FRMD3: variants seen among roughly 807,000 people sequenced by gnomAD.
FRMD3 encodes FERM domain-containing protein 3.
A neutral mutation model predicts 70.2 loss-of-function variants in FRMD3; 33 were observed. The ratio of observed to expected loss-of-function variants is 0.47; its 90% CI spans 0.36 to 0.63. The LOEUF is 0.63. Among genes scored for constraint, FRMD3 ranks in the 20% least tolerant of loss-of-function variants. FRMD3 has a pLI of 0.00. For missense variants in FRMD3, 632 were observed against 711.4 expected, an observed-to-expected ratio of 0.89 and a Z score of 1.27; for synonymous variants, 279 against 255.9, an observed-to-expected ratio of 1.09 and a Z score of -0.86.
chr9:83,531,871 G>A (rs1317394565), intron 1 of FRMD3, among the ~76,000 whole-genome samples: 1 of 152,178 alleles, frequency 6.6e-6, no homozygotes, highest in African/African-American at 2.4e-5. Context: ...TGGCAGTTGA[G>A]GAATTATTAC....
At chr9:83,346,336 T>A (rs1036459247) in intron 4 of FRMD3, among the ~76,000 whole-genome samples, 9 of 151,490 alleles carry the variant, frequency 5.9e-5, no homozygotes, top group Non-Finnish European at 7.4e-5. Context: ...ATGTGGCATT[T>A]CCATACACTG....
chr9:83,290,055 G>C (rs922242800), intron 13 of FRMD3, among the ~76,000 whole-genome samples: 2 of 152,156 alleles, frequency 1.3e-5, no homozygotes, highest in South Asian at 2.1e-4. Flanking sequence ...CAAGAAGCCT[G>C]GGGGAATAAA....
At chr9:83,410,454 C>A (rs748061164) in intron 1 of FRMD3, among the ~76,000 whole-genome samples, 115 of 152,292 alleles carry the variant, frequency 7.6e-4, no homozygotes, top group Admixed American at 1.9e-3. Context: ...TCCAGTTGCA[C>A]CCATGTTGCC....
chr9:83,373,642 C>CTTTTGTGCTGT (rs11271909), intron 2 of FRMD3, among the ~76,000 whole-genome samples: 2 of 151,538 alleles, frequency 1.3e-5, no homozygotes, highest in African/African-American at 4.8e-5. Flanking sequence ...ACAGCACATA[C>CTTTTGTGCTGT]AAAGATCACT....
chr9:83,337,254 C>T (rs202005873), intron 5 of FRMD3, among the ~76,000 whole-genome samples: 1 of 152,152 alleles, frequency 6.6e-6, no homozygotes, highest in Non-Finnish European at 1.5e-5. Flanking sequence ...CCAGAGTCTA[C>T]GTTTCCCCAC....
In FRMD3 at chr9:83,271,747, G is replaced by C. The variant is rs180822796; in HGVS notation, c.1195+18856C>G. On this transcript the variant is annotated intron_variant, in intron 13 of 13. Coordinates refer to ENST00000304195, the MANE Select transcript of FRMD3 (RefSeq NM_174938.6). ...TGAATGTTTCCTGCCTGTAAGCTGA[G>C]ATAACTGCTCTCTGGGGCCCAGCAT... Among the ~76,000 whole-genome samples, 127 of 152,314 alleles carry C rather than the reference G, an allele frequency of 8.3e-4. 1 individual carries two copies. Among genetic ancestry groups the C allele is most frequent in the South Asian group, 3.7e-3 (18 of 4,822 alleles).
At chr9:83,315,987 G>A (rs1835550317) in intron 6 of FRMD3, among the ~76,000 whole-genome samples, 1 of 152,056 alleles carries the variant, frequency 6.6e-6, no homozygotes, top group African/African-American at 2.4e-5. Flanking sequence ...TCTGTGTCTG[G>A]CCTGGATCCC....
intron 9 of FRMD3, among the ~76,000 whole-genome samples, chr9:83,310,132 G>T (rs1835294944): frequency 6.6e-6 from 1 of 152,144 alleles, no homozygotes; most frequent in African/African-American, 2.4e-5. Context: ...ACACTCTAAT[G>T]AGCACTGGTT....
intron 13 of FRMD3, among the ~76,000 whole-genome samples, chr9:83,279,847 A>G (rs951856074): frequency 1.3e-5 from 2 of 152,264 alleles, no homozygotes; most frequent in African/African-American, 2.4e-5. Flanking sequence ...TAATGTATGT[A>G]GGGCTTAATA....
At chr9:83,518,899 C>A (rs1179547444) in intron 1 of FRMD3, among the ~76,000 whole-genome samples, 2 of 152,180 alleles carry the variant, frequency 1.3e-5, no homozygotes, top group Non-Finnish European at 2.9e-5. Context: ...GGAAAGGATT[C>A]CCTATTTAAT....
chr9:83,422,171 G>A (rs529805284), intron 1 of FRMD3, among the ~76,000 whole-genome samples: 1 of 152,280 alleles, frequency 6.6e-6, no homozygotes, highest in African/African-American at 2.4e-5. Flanking sequence ...GCTGCAGTGA[G>A]CCAAGATTGT....
At chr9:83,356,055 G>GGAGA (rs1824325169) in intron 3 of FRMD3, among the ~76,000 whole-genome samples, 1 of 152,074 alleles carries the variant, frequency 6.6e-6, no homozygotes, top group African/African-American at 2.4e-5. Flanking sequence ...CTGAGAACAT[G>GGAGA]GAGAGAGGTA....
At chr9:83,453,134 G>A (rs1827717188) in intron 1 of FRMD3, among the ~76,000 whole-genome samples, 1 of 152,112 alleles carries the variant, frequency 6.6e-6, no homozygotes, top group South Asian at 2.1e-4. Context: ...GGGATTACAG[G>A]CGTAAGCCAC....
chr9:83,442,652 G>A (rs1271100610), intron 1 of FRMD3, among the ~76,000 whole-genome samples: 1 of 151,640 alleles, frequency 6.6e-6, no homozygotes, highest in Non-Finnish European at 1.5e-5. Context: ...TGGAGGGGGG[G>A]TACATTCCCC....
At chr9:83,512,938 C>G (rs937207892) in intron 1 of FRMD3, among the ~76,000 whole-genome samples, 1 of 152,068 alleles carries the variant, frequency 6.6e-6, no homozygotes, top group Non-Finnish European at 1.5e-5. Context: ...TTCATGGATC[C>G]CAGTCACACT....
intron 3 of FRMD3, among the ~76,000 whole-genome samples, chr9:83,359,710 A>T (rs1824521932): frequency 6.6e-6 from 1 of 152,180 alleles, no homozygotes; most frequent in African/African-American, 2.4e-5. Context: ...TTTTTCAACC[A>T]TTTAAAAATG....
the FRMD3 span, among the ~76,000 whole-genome samples, chr9:83,575,243 C>T: frequency 2.0e-5 from 3 of 152,184 alleles, no homozygotes; most frequent in Non-Finnish European, 4.4e-5. Flanking sequence ...AAACTATTAG[C>T]AGGAATGAAA....
chr9:83,503,220 A>T (rs924856589), intron 1 of FRMD3, among the ~76,000 whole-genome samples: 1 of 152,212 alleles, frequency 6.6e-6, no homozygotes, highest in Non-Finnish European at 1.5e-5. Context: ...ATTGGCCATC[A>T]GATAGGGAAA....
intron 6 of FRMD3, among the ~76,000 whole-genome samples, chr9:83,323,030 A>C (rs745320974): frequency 5.9e-5 from 9 of 152,222 alleles, no homozygotes; most frequent in Non-Finnish European, 2.9e-5. Context: ...AAAGACTAAC[A>C]AAAGCAAGCA....
Sources: allele counts gnomAD v4.1 joint callset (sites outside exome capture counted in the v4.1 genomes callset), GRCh38; gene constraint gnomAD v4.1.1; transcripts MANE v1.5; gene names NCBI Gene and HGNC (gene_info 2026-07-23, HGNC 2026-07-21).